Variants in TNFSF4 observed in about 807,000 individuals in gnomAD.
TNFSF4 encodes the protein tumor necrosis factor ligand superfamily member 4.
Under a neutral mutation model 7.3 loss-of-function variants are expected in TNFSF4, and 4 were observed. The observed-to-expected ratio is 0.55, with a 90% CI of 0.27 to 1.25. The LOEUF is 1.25. Ranked by LOEUF, TNFSF4 falls within the 50% of genes most tolerant of loss-of-function variation. The probability of loss-of-function intolerance (pLI) is 0.12; values close to 1 mark genes in which losing one functional copy is unlikely to be tolerated. For synonymous variants in TNFSF4, 76 were observed against 83.7 expected (o/e 0.91, Z 0.50); for missense variants, 181 against 208.8 (o/e 0.87, Z 0.82).
chr1:173,437,704 A>G, the TNFSF4 span, among the ~76,000 whole-genome samples: 2 of 152,140 alleles, frequency 1.3e-5, no homozygotes, highest in African/African-American at 4.8e-5. Flanking sequence ...AAATTCCCAC[A>G]TACACTAGGG....
chr1:173,377,461 T>C, the TNFSF4 span, among the ~76,000 whole-genome samples: 2 of 152,208 alleles, frequency 1.3e-5, no homozygotes, highest in East Asian at 1.9e-4. Context: ...CGACAACAAG[T>C]TGGATGACCC....
At chr1:173,220,067 C>A in the TNFSF4 span, among the ~76,000 whole-genome samples, 17 of 151,318 alleles carry the variant, frequency 1.1e-4, no homozygotes, top group Non-Finnish European at 2.1e-4. Context: ...ATTGTAAAGA[C>A]TAAAAAAAAA....
chr1:173,358,399 A>G, the TNFSF4 span, among the ~76,000 whole-genome samples: 1 of 152,236 alleles, frequency 6.6e-6, no homozygotes, highest in African/African-American at 2.4e-5. Flanking sequence ...GAGAATTGCT[A>G]AAATGAAAAG....
the TNFSF4 span, among the ~76,000 whole-genome samples, chr1:173,226,148 A>G: frequency 2.0e-5 from 3 of 152,166 alleles, no homozygotes; most frequent in Admixed American, 2.0e-4. Flanking sequence ...TCAGACTATG[A>G]TCACACAATA....
chr1:173,290,151 C>T, the TNFSF4 span, among the ~76,000 whole-genome samples: 4 of 152,112 alleles, frequency 2.6e-5, no homozygotes, highest in South Asian at 2.1e-4. Context: ...CTCAAGTACA[C>T]GGCACACTGA....
At chr1:173,245,948 T>C in the TNFSF4 span, among the ~76,000 whole-genome samples, 1 of 152,252 alleles carries the variant, frequency 6.6e-6, no homozygotes, top group African/African-American at 2.4e-5. Flanking sequence ...TAGTATTCCA[T>C]TGAGTTTTTG....
At chr1:173,318,337 T>A in the TNFSF4 span, among the ~76,000 whole-genome samples, 1 of 152,124 alleles carries the variant, frequency 6.6e-6, no homozygotes, top group African/African-American at 2.4e-5. Context: ...AGACATATAC[T>A]ATAAAATCTC....
chr1:173,407,703 GGT>G, the TNFSF4 span, among the ~76,000 whole-genome samples: 16 of 148,318 alleles, frequency 1.1e-4, no homozygotes, highest in East Asian at 7.9e-4. Context: ...GATGTAAATG[GGT>G]GTGTGTGTGT....
the TNFSF4 span, among the ~76,000 whole-genome samples, chr1:173,448,587 G>A: frequency 6.6e-6 from 1 of 152,118 alleles, no homozygotes; most frequent in Non-Finnish European, 1.5e-5. Context: ...AGTCAAAGGA[G>A]GTTTGTTCTC....
At chr1:173,250,679 T>A in the TNFSF4 span, among the ~76,000 whole-genome samples, 1 of 152,214 alleles carries the variant, frequency 6.6e-6, no homozygotes, top group South Asian at 2.1e-4. Flanking sequence ...CAGGATGGTC[T>A]CGATCTTCTG....
the TNFSF4 span, among the ~76,000 whole-genome samples, chr1:173,336,124 C>T: frequency 1.3e-5 from 2 of 152,166 alleles, no homozygotes; most frequent in African/African-American, 4.8e-5. Flanking sequence ...CATTGGTTGC[C>T]TAACCTGTGG....
chr1:173,346,719 T>G, the TNFSF4 span, among the ~76,000 whole-genome samples: 6 of 152,092 alleles, frequency 3.9e-5, no homozygotes, highest in African/African-American at 1.4e-4. Flanking sequence ...GGTATGGCAA[T>G]AACTACTCTT....
chr1:173,302,548 A>G, the TNFSF4 span, among the ~76,000 whole-genome samples: 1 of 151,918 alleles, frequency 6.6e-6, no homozygotes, highest in East Asian at 1.9e-4. Flanking sequence ...TAAGGTAATG[A>G]CTGACCCACA....
chr1:173,318,548 T>C, the TNFSF4 span, among the ~76,000 whole-genome samples: 1 of 152,088 alleles, frequency 6.6e-6, no homozygotes, highest in East Asian at 1.9e-4. Flanking sequence ...ATCAACAAAA[T>C]ATACTTTTCA....
chr1:173,178,500 G>A, the TNFSF4 span, among the ~76,000 whole-genome samples: 1 of 152,114 alleles, frequency 6.6e-6, no homozygotes, highest in African/African-American at 2.4e-5. Flanking sequence ...CGGGAACCCG[G>A]GAAGCAGAGC....
chr1:173,364,379 G>GTATATATATATA, the TNFSF4 span, among the ~76,000 whole-genome samples: 140 of 109,086 alleles, frequency 1.3e-3, 2 homozygotes, highest in South Asian at 5.8e-3. Context: ...TGGGGTGTAT[G>GTATATATATATA]TGTATATATA....
the TNFSF4 span, among the ~76,000 whole-genome samples, chr1:173,346,967 C>T: frequency 6.6e-6 from 1 of 152,214 alleles, no homozygotes; most frequent in Admixed American, 6.5e-5. Context: ...AGTAAGAGGA[C>T]TTGATGGCAA....
At chr1:173,437,345 G>A in the TNFSF4 span, among the ~76,000 whole-genome samples, 1,295 of 152,172 alleles carry the variant, frequency 8.5e-3, 18 homozygotes, top group African/African-American at 0.03. Context: ...TCTTTTTTAA[G>A]TACTTTAACT....
At chr1:173,331,217 A>G in the TNFSF4 span, among the ~76,000 whole-genome samples, 1 of 152,136 alleles carries the variant, frequency 6.6e-6, no homozygotes, top group Non-Finnish European at 1.5e-5. Context: ...AGAAAGTAAA[A>G]GATGTATAGT....
Sources: gnomAD v4.1 joint callset for allele counts (sites outside exome capture counted in the v4.1 genomes callset) on GRCh38, gnomAD v4.1.1 for gene constraint, MANE v1.5 for transcripts, NCBI Gene and HGNC (gene_info 2026-07-23, HGNC 2026-07-21) for gene names.